Variants in WWP2 observed in about 807,000 individuals in gnomAD.
The protein encoded by WWP2 is WW domain containing E3 ubiquitin protein ligase 2.
In WWP2, 57 loss-of-function variants were observed where a neutral mutation model predicts 121.0. The ratio of observed to expected loss-of-function variants is 0.47; its 90% CI spans 0.38 to 0.59. The LOEUF (loss-of-function observed/expected upper bound fraction) is 0.59. Among genes scored for constraint, WWP2 ranks in the 20% least tolerant of loss-of-function variants. The pLI is 0.00. For missense variants in WWP2, 962 were observed against 1,158.9 expected (o/e 0.83, Z 2.47); for synonymous variants, 449 against 441.3 (o/e 1.02, Z -0.22).
At chr16:69,788,443 T>C (rs973200685) in intron 2 of WWP2, among the ~76,000 whole-genome samples, 1 of 152,204 alleles carries the variant, frequency 6.6e-6, no homozygotes, top group African/African-American at 2.4e-5. Flanking sequence ...CCCACATTTC[T>C]CATCTCCTGT....
At chr16:69,838,441 GA>G (rs2056916179) in intron 4 of WWP2, among the ~76,000 whole-genome samples, 2 of 60,266 alleles carry the variant, frequency 3.3e-5, no homozygotes, top group African/African-American at 1.2e-4. Context: ...GACCCTCCTT[GA>G]CTTAAAAAAA....
intron 2 of WWP2, among the ~76,000 whole-genome samples, chr16:69,795,162 G>A (rs1386448069): frequency 6.6e-6 from 1 of 152,012 alleles, no homozygotes; most frequent in African/African-American, 2.4e-5. Context: ...CTTCAGCCAG[G>A]TAGGTCGAGG....
At chr16:69,915,781 C>T (rs2058471345) in intron 9 of WWP2, among the ~76,000 whole-genome samples, 1 of 152,074 alleles carries the variant, frequency 6.6e-6, no homozygotes, top group African/African-American at 2.4e-5. Flanking sequence ...CACCTGTAAT[C>T]CTAGCACTTT....
intron 4 of WWP2, among the ~76,000 whole-genome samples, chr16:69,834,359 T>TC (rs1304719695): frequency 6.6e-6 from 1 of 152,036 alleles, no homozygotes; most frequent in African/African-American, 2.4e-5. Context: ...CCACGTGACT[T>TC]CCCCCATCCT....
intron 1 of WWP2, among the ~76,000 whole-genome samples, chr16:69,781,967 C>T (rs576678398): frequency 6.6e-6 from 1 of 152,200 alleles, no homozygotes; most frequent in African/African-American, 2.4e-5. Context: ...CTTCAAGGCC[C>T]CACCTCTCAA....
intron 5 of WWP2, 75 bp from the exon 6 acceptor site, chr16:69,841,948 TC>T: frequency 6.9e-7 from 1 of 1,442,522 alleles, no homozygotes; most frequent in East Asian, 2.4e-5. Context: ...GGAGTTCTGT[TC>T]CTGGCCGTCA....
At chr16:69,927,975 A>G (rs1047681392) in intron 11 of WWP2, among the ~76,000 whole-genome samples, 2 of 151,790 alleles carry the variant, frequency 1.3e-5, no homozygotes, top group African/African-American at 4.8e-5. Flanking sequence ...CTTTATTTTT[A>G]TTTTATTTAT....
intron 1 of WWP2, among the ~76,000 whole-genome samples, chr16:69,770,452 C>A (rs2055390753): frequency 6.6e-6 from 1 of 152,188 alleles, no homozygotes; most frequent in Non-Finnish European, 1.5e-5. Context: ...GGATGGCACC[C>A]TCAGAGAGGG....
At chr16:69,883,690 A>G (rs1046212235) in intron 7 of WWP2, among the ~76,000 whole-genome samples, 4 of 152,138 alleles carry the variant, frequency 2.6e-5, no homozygotes, top group African/African-American at 9.7e-5. Flanking sequence ...TAAGCCCAGC[A>G]TCGGTTAGCC....
intron 8 of WWP2, among the ~76,000 whole-genome samples, chr16:69,907,960 G>A (rs1348072892): frequency 6.6e-6 from 1 of 152,224 alleles, no homozygotes; most frequent in Non-Finnish European, 1.5e-5. Flanking sequence ...GTGACTTTAA[G>A]CCGGGTGCGG....
chr16:69,859,236 A>G (rs7195154), intron 6 of WWP2, among the ~76,000 whole-genome samples: 10,683 of 152,186 alleles, frequency 0.07, 1,285 homozygotes, highest in African/African-American at 0.24. Context: ...TTATCTGCAT[A>G]CACTGGGGAA....
chr16:69,847,302 C>T (rs2057101176), intron 6 of WWP2, among the ~76,000 whole-genome samples: 1 of 151,952 alleles, frequency 6.6e-6, no homozygotes, highest in Non-Finnish European at 1.5e-5. Context: ...TCAGGCTGGT[C>T]TCAAACTCCT....
At chr16:69,867,268 G>T (rs2057543943) in intron 6 of WWP2, among the ~76,000 whole-genome samples, 1 of 152,106 alleles carries the variant, frequency 6.6e-6, no homozygotes, top group South Asian at 2.1e-4. Context: ...TGGTCAGCCA[G>T]GCTCACTCAC....
At chr16:69,795,664 T>TTG (rs2056023024) in intron 2 of WWP2, among the ~76,000 whole-genome samples, 3 of 137,918 alleles carry the variant, frequency 2.2e-5, no homozygotes, top group Non-Finnish European at 4.7e-5. Context: ...TTTTTTTTTT[T>TTG]TTTTTTTTTT....
intron 6 of WWP2, among the ~76,000 whole-genome samples, chr16:69,862,134 C>T (rs2057433155): frequency 6.6e-6 from 1 of 151,880 alleles, no homozygotes; most frequent in East Asian, 1.9e-4. Flanking sequence ...GGTGTGATCT[C>T]GGCACACTGC....
At chr16:69,834,319 C>T (rs535883094) in intron 4 of WWP2, among the ~76,000 whole-genome samples, 2 of 152,262 alleles carry the variant, frequency 1.3e-5, no homozygotes, top group South Asian at 4.1e-4. Context: ...TTGCTTTTTC[C>T]TCTGCCTAGA....
chr16:69,797,752 G>A (rs1421551825), intron 2 of WWP2, among the ~76,000 whole-genome samples: 3 of 151,922 alleles, frequency 2.0e-5, no homozygotes, highest in East Asian at 1.9e-4. Flanking sequence ...AGCCAGGCAC[G>A]GTGGCGGGCG....
intron 4 of WWP2, among the ~76,000 whole-genome samples, chr16:69,812,513 C>G (rs1234918029): frequency 1.4e-4 from 19 of 134,898 alleles, no homozygotes; most frequent in Admixed American, 1.4e-3. Context: ...GAGTCTGGCT[C>G]TGTGGCCCAG....
chr16:69,934,640 A>G (rs1030311466), intron 17 of WWP2, among the ~76,000 whole-genome samples: 4 of 152,040 alleles, frequency 2.6e-5, no homozygotes, highest in African/African-American at 9.7e-5. Context: ...CCACTGAGAC[A>G]CTAAGCCTTC....
Sources: allele counts gnomAD v4.1 joint callset (sites outside exome capture counted in the v4.1 genomes callset), GRCh38; gene constraint gnomAD v4.1.1; transcripts MANE v1.5; gene names NCBI Gene and HGNC (gene_info 2026-07-23, HGNC 2026-07-21).